Variants in ERBB4 observed in about 807,000 individuals in gnomAD.
ERBB4 encodes the protein erb-b2 receptor tyrosine kinase 4.
Under a neutral mutation model 158.0 loss-of-function variants are expected in ERBB4, and 42 were observed. The ratio of observed to expected loss-of-function variants is 0.27; its 90% CI spans 0.21 to 0.34. The LOEUF (loss-of-function observed/expected upper bound fraction) is 0.34. ERBB4 is among the 10% of genes least tolerant of loss of function. The probability of loss-of-function intolerance (pLI) is 1.00; values close to 1 mark genes in which losing one functional copy is unlikely to be tolerated. For synonymous variants in ERBB4, 583 were observed against 558.7 expected (o/e 1.04, Z -0.61); for missense variants, 1,333 against 1,624.1 (o/e 0.82, Z 3.08).
intron 1 of ERBB4, among the ~76,000 whole-genome samples, chr2:212,231,097 C>A (rs1199818579): frequency 2.0e-5 from 3 of 151,978 alleles, no homozygotes; most frequent in Non-Finnish European, 2.9e-5. Flanking sequence ...ACCTAAATAC[C>A]TTATTTCAAT....
At chr2:211,989,424 T>A (rs1008627175) in intron 2 of ERBB4, among the ~76,000 whole-genome samples, 2 of 151,936 alleles carry the variant, frequency 1.3e-5, no homozygotes, top group African/African-American at 2.4e-5. Flanking sequence ...TGCCCAACAC[T>A]GTTATTTAAG....
intron 1 of ERBB4, among the ~76,000 whole-genome samples, chr2:212,212,920 A>C (rs565669511): frequency 6.6e-6 from 1 of 152,164 alleles, no homozygotes; most frequent in Non-Finnish European, 1.5e-5. Context: ...AATTAACTCA[A>C]GATGGTTTAA....
chr2:212,229,956 C>T (rs780151125), intron 1 of ERBB4, among the ~76,000 whole-genome samples: 4 of 151,948 alleles, frequency 2.6e-5, no homozygotes, highest in South Asian at 2.1e-4. Context: ...AAGCAAAATG[C>T]GATAGAAATG....
chr2:211,619,549 A>C (rs934659824), intron 18 of ERBB4, among the ~76,000 whole-genome samples: 1 of 152,088 alleles, frequency 6.6e-6, no homozygotes, highest in African/African-American at 2.4e-5. Flanking sequence ...AAAGGCTTTG[A>C]ATAGTGAAGA....
At chr2:212,247,716 C>A (rs2084363507) in intron 1 of ERBB4, among the ~76,000 whole-genome samples, 1 of 152,176 alleles carries the variant, frequency 6.6e-6, no homozygotes, top group Non-Finnish European at 1.5e-5. Flanking sequence ...GTAATCTCAG[C>A]ACTCTGGGAG....
intron 2 of ERBB4, among the ~76,000 whole-genome samples, chr2:212,013,905 G>A (rs1037653693): frequency 2.0e-5 from 3 of 152,126 alleles, no homozygotes; most frequent in Non-Finnish European, 2.9e-5. Flanking sequence ...GAGAGAATAC[G>A]TTTCTATTGT....
At chr2:212,015,111 T>A (rs9677618) in intron 2 of ERBB4, among the ~76,000 whole-genome samples, 15 of 71,266 alleles carry the variant, frequency 2.1e-4, no homozygotes, top group Admixed American at 3.0e-4. Context: ...TATATATATA[T>A]AAAAATTAGC....
chr2:211,378,020 G>C lies in ERBB4; in HGVS notation c.*5595C>G, dbSNP rs1595064. 97,207 of 232,754 alleles carry C rather than the reference G, an allele frequency of 0.42. 21,456 individuals are homozygous for C. Among genetic ancestry groups the C allele is most frequent in the South Asian group, 0.6 (3,321 of 5,520 alleles). 14.4% of individuals were successfully genotyped at this position (232,754 alleles called of 1,614,324 possible). A position where few individuals can be genotyped will look rare whatever the true frequency, so the allele number is the denominator to read the frequency against. ...TGAAGTCAGTGTTTCACAAAGTGGGGTGTAGGATCTCAGAGATCCACTATG... is the reference window on the plus strand; with the variant it reads ...TGAAGTCAGTGTTTCACAAAGTGGGCTGTAGGATCTCAGAGATCCACTATG... On this transcript the variant is annotated 3_prime_UTR_variant, in exon 28 of 28. Transcript: ENST00000342788.
At chr2:211,933,525 C>T (rs2125104045) in intron 3 of ERBB4, among the ~76,000 whole-genome samples, 1 of 152,054 alleles carries the variant, frequency 6.6e-6, no homozygotes, top group African/African-American at 2.4e-5. Flanking sequence ...ATTATGGCAT[C>T]TATATTGTTT....
At chr2:211,936,161 C>T (rs2080316756) in intron 3 of ERBB4, among the ~76,000 whole-genome samples, 2 of 151,736 alleles carry the variant, frequency 1.3e-5, no homozygotes, top group South Asian at 4.2e-4. Context: ...GAATTCAGGG[C>T]ACCATCAAAA....
At chr2:211,458,026 G>T (rs535274244) in intron 20 of ERBB4, among the ~76,000 whole-genome samples, 1 of 148,262 alleles carries the variant, frequency 6.7e-6, no homozygotes, top group South Asian at 2.1e-4. Context: ...ACCAGGTCTT[G>T]TGGGCTCCAA....
rs191485834 is a variant in ERBB4, at chr2:211,505,221, A to G, written c.2487+56682T>C. On this transcript the variant is annotated intron_variant, in intron 20 of 27. Transcript: ENST00000342788. The stretch of plus-strand genomic sequence containing the variant: ...TAGAGAGAAGTGTCAAATCACCTCT[A>G]AAGAAAATTCCCTCAGACTAACAAC... Among the ~76,000 whole-genome samples the G allele has an allele frequency of 9.2e-5, 14 of 152,224 alleles. No homozygotes were observed. In the East Asian group the frequency reaches 2.1e-3, roughly 23 times the overall value.
At chr2:212,415,141 T>TA (rs1458235287) in intron 1 of ERBB4, among the ~76,000 whole-genome samples, 1 of 152,166 alleles carries the variant, frequency 6.6e-6, no homozygotes, top group Non-Finnish European at 1.5e-5. Context: ...AAACGTCACT[T>TA]ACGTACTTTG....
chr2:212,341,415 T>C (rs1240952698), intron 1 of ERBB4, among the ~76,000 whole-genome samples: 2 of 152,180 alleles, frequency 1.3e-5, no homozygotes, highest in Admixed American at 1.3e-4. Context: ...TACAGTGTTG[T>C]TCAAATTCTG....
At chr2:212,214,756 A>G (rs1279950636) in intron 1 of ERBB4, among the ~76,000 whole-genome samples, 2 of 151,628 alleles carry the variant, frequency 1.3e-5, no homozygotes, top group Non-Finnish European at 3.0e-5. Flanking sequence ...TCCTATATAT[A>G]ATCCCCAACA....
intron 19 of ERBB4, among the ~76,000 whole-genome samples, chr2:211,593,294 A>C (rs1410417381): frequency 6.6e-6 from 1 of 152,218 alleles, no homozygotes; most frequent in Non-Finnish European, 1.5e-5. Flanking sequence ...TATTTATTGA[A>C]GTGTGGGAGT....
At chr2:212,507,552 T>C (rs1691261266) in intron 1 of ERBB4, among the ~76,000 whole-genome samples, 2 of 152,140 alleles carry the variant, frequency 1.3e-5, no homozygotes, top group Admixed American at 6.6e-5. Flanking sequence ...TCAACATTTA[T>C]AGGAGTTCGG....
intron 1 of ERBB4, among the ~76,000 whole-genome samples, chr2:212,466,917 G>T (rs1227601889): frequency 6.6e-6 from 1 of 152,160 alleles, no homozygotes; most frequent in Non-Finnish European, 1.5e-5. Context: ...TAAAGTTCAG[G>T]CTGAGGTGGT....
At chr2:211,836,843 G>C (rs2077354512) in intron 3 of ERBB4, among the ~76,000 whole-genome samples, 1 of 151,904 alleles carries the variant, frequency 6.6e-6, no homozygotes, top group African/African-American at 2.4e-5. Context: ...ATGAAATGAG[G>C]TTATTAAATT....
Sources: gnomAD v4.1 joint callset for allele counts (sites outside exome capture counted in the v4.1 genomes callset) on GRCh38, gnomAD v4.1.1 for gene constraint, MANE v1.5 for transcripts, NCBI Gene and HGNC (gene_info 2026-07-23, HGNC 2026-07-21) for gene names.